Variants in DIS3L2 observed in about 807,000 individuals in gnomAD.
DIS3L2 encodes DIS3-like exonuclease 2.
A neutral mutation model predicts 97.5 loss-of-function variants in DIS3L2; 34 were observed. The ratio of observed to expected loss-of-function variants is 0.35; its 90% CI spans 0.27 to 0.46. DIS3L2 has a LOEUF of 0.46. Ranked by LOEUF, DIS3L2 falls within the 20% of genes least tolerant of loss-of-function variation. The pLI is 1.00. For synonymous variants in DIS3L2, 435 were observed against 445.2 expected, an observed-to-expected ratio of 0.98 and a Z score of 0.29; for missense variants, 1,038 against 1,146.0, an observed-to-expected ratio of 0.91 and a Z score of 1.36.
intron 1 of DIS3L2, among the ~76,000 whole-genome samples, chr2:231,999,276 C>T (rs552551051): frequency 6.6e-6 from 1 of 152,148 alleles, no homozygotes; most frequent in African/African-American, 2.4e-5. Flanking sequence ...GGCCATTTTT[C>T]CATTGGTTGC....
At chr2:232,025,120 CAGTA>C (rs1183740307) in intron 4 of DIS3L2, among the ~76,000 whole-genome samples, 2 of 152,000 alleles carry the variant, frequency 1.3e-5, no homozygotes, top group East Asian at 1.9e-4. Flanking sequence ...TTTTAAATGA[CAGTA>C]AGTTTAGTGA....
chr2:232,333,758 TGAG>T, intron 16 of DIS3L2, 79 bp from the exon 17 acceptor site: 1 of 1,401,648 alleles, frequency 7.1e-7, no homozygotes, highest in Non-Finnish European at 9.3e-7. Flanking sequence ...CTGCCGACGG[TGAG>T]GCTGTGGGTG....
chr2:232,305,222 C>T (rs183367218), intron 14 of DIS3L2, among the ~76,000 whole-genome samples: 5 of 151,958 alleles, frequency 3.3e-5, no homozygotes, highest in Admixed American at 1.3e-4. Flanking sequence ...ATTACAGGCG[C>T]GCACCACCAC....
intron 14 of DIS3L2, chr2:232,307,490 T>G (rs1238183354): frequency 6.6e-6 from 1 of 150,980 alleles, no homozygotes; most frequent in Non-Finnish European, 1.5e-5. Context: ...TAGTGGTAAT[T>G]ACAGTCACTT....
chr2:232,147,461 A>G (rs921552386), intron 8 of DIS3L2, among the ~76,000 whole-genome samples: 1 of 152,188 alleles, frequency 6.6e-6, no homozygotes, highest in Non-Finnish European at 1.5e-5. Flanking sequence ...AATGTCCTTT[A>G]TCTATTCCAG....
chr2:231,964,221 A>G (rs1303245235), intron 1 of DIS3L2, among the ~76,000 whole-genome samples: 1 of 151,958 alleles, frequency 6.6e-6, no homozygotes, highest in Non-Finnish European at 1.5e-5. Context: ...GTTCTGTTCC[A>G]TTGTTCTATA....
At chr2:232,313,597 A>G (rs550972823) in intron 14 of DIS3L2, among the ~76,000 whole-genome samples, 10 of 152,358 alleles carry the variant, frequency 6.6e-5, no homozygotes, top group African/African-American at 2.4e-4. Flanking sequence ...GATGACCGAG[A>G]GAAAAGTTGC....
intron 16 of DIS3L2, among the ~76,000 whole-genome samples, chr2:232,332,924 C>T (rs900840451): frequency 3.5e-4 from 53 of 152,224 alleles, no homozygotes; most frequent in African/African-American, 1.2e-3. Context: ...CCGTATTGCA[C>T]AGGGCAGGGG....
At chr2:232,157,579 AT>A (rs1690527785) in intron 8 of DIS3L2, among the ~76,000 whole-genome samples, 2 of 152,228 alleles carry the variant, frequency 1.3e-5, no homozygotes, top group Admixed American at 1.3e-4. Context: ...CATAAGCAAT[AT>A]AGGTAGAAGA....
At chr2:232,051,857 A>T (rs1014941767) in intron 5 of DIS3L2, among the ~76,000 whole-genome samples, 4 of 148,780 alleles carry the variant, frequency 2.7e-5, no homozygotes, top group Non-Finnish European at 4.5e-5. Flanking sequence ...CTTTGATTGG[A>T]AGAGAAAACA....
At chr2:232,032,114 A>C (rs1425759042) in intron 5 of DIS3L2, among the ~76,000 whole-genome samples, 2 of 152,190 alleles carry the variant, frequency 1.3e-5, no homozygotes, top group African/African-American at 4.8e-5. Context: ...GAACTAATTT[A>C]CACTCCTGCC....
chr2:232,076,133 A>T lies in DIS3L2; in HGVS notation c.367-11354A>T, dbSNP rs556737387. On this transcript the variant is annotated intron_variant, in intron 5 of 20. Coordinates refer to ENST00000325385, the MANE Select transcript of DIS3L2 (RefSeq NM_152383.5). ...TAAGTTGGCATTTAGGGCTCTTGAC[A>T]TCTTGATCTTCCTTTCTCCCTCTTG... Among the ~76,000 whole-genome samples the T allele has an allele frequency of 3.9e-5, 6 of 152,312 alleles. No homozygotes were observed. In the East Asian group the frequency reaches 1.2e-3, roughly 29 times the overall value.
At position 232,125,523 on chromosome 2, in the gene DIS3L2, T is replaced by G. The variant is rs577360350; in HGVS notation, c.602-5096T>G. 4.6e-5 allele frequency among the ~76,000 whole-genome samples: 7 copies of G among 152,332 alleles called. No homozygotes were observed. In the South Asian group the frequency reaches 1.5e-3, roughly 32 times the overall value. ...GGCTCCCCCTCTTCACTACTCCTCTTTCCTCAGTGAAGCTGGAATAACAGT... is the reference window on the plus strand; with the variant it reads ...GGCTCCCCCTCTTCACTACTCCTCTGTCCTCAGTGAAGCTGGAATAACAGT... On this transcript the variant is annotated intron_variant, in intron 6 of 20. Coordinates refer to ENST00000325385, the MANE Select transcript of DIS3L2 (RefSeq NM_152383.5).
intron 11 of DIS3L2, among the ~76,000 whole-genome samples, chr2:232,243,532 T>C (rs1339646851): frequency 6.6e-6 from 1 of 152,164 alleles, no homozygotes; most frequent in African/African-American, 2.4e-5. Flanking sequence ...TCTGAATAAC[T>C]ACCCCAACAC....
At chr2:232,027,936 A>G (rs2106237209) in intron 4 of DIS3L2, among the ~76,000 whole-genome samples, 1 of 152,350 alleles carries the variant, frequency 6.6e-6, no homozygotes, top group South Asian at 2.1e-4. Flanking sequence ...AAAATTGATC[A>G]GATGGAAAAA....
intron 1 of DIS3L2, 115 bp from the exon 2 acceptor site, chr2:232,014,720 C>G (rs1694304331): frequency 2.0e-6 from 1 of 490,098 alleles, no homozygotes; most frequent in African/African-American, 2.0e-5. Flanking sequence ...AATGTGATGC[C>G]AGAACCCAGG....
At chr2:232,100,910 A>T (rs2106323610) in intron 6 of DIS3L2, among the ~76,000 whole-genome samples, 1 of 151,506 alleles carries the variant, frequency 6.6e-6, no homozygotes, top group South Asian at 2.1e-4. Context: ...TGTGTACTTT[A>T]TCTGTCAGTT....
intron 5 of DIS3L2, among the ~76,000 whole-genome samples, chr2:232,073,715 T>G (rs978466991): frequency 2.0e-5 from 3 of 152,202 alleles, no homozygotes; most frequent in Non-Finnish European, 2.9e-5. Context: ...TCCATTAGAA[T>G]TTTTTGGTTA....
At chr2:232,225,586 G>A (rs1227351811) in intron 10 of DIS3L2, among the ~76,000 whole-genome samples, 1 of 152,154 alleles carries the variant, frequency 6.6e-6, no homozygotes, top group Non-Finnish European at 1.5e-5. Context: ...ACTGGGAGGA[G>A]GCATGAGAAA....
Sources: allele counts gnomAD v4.1 joint callset (sites outside exome capture counted in the v4.1 genomes callset), GRCh38; gene constraint gnomAD v4.1.1; transcripts MANE v1.5; gene names NCBI Gene and HGNC (gene_info 2026-07-23, HGNC 2026-07-21).